TPO: variants seen among roughly 807,000 people sequenced by gnomAD.
TPO encodes thyroid microsomal antigen.
TPO carries 78 observed loss-of-function variants against 96.9 expected under a neutral mutation model. The observed-to-expected ratio is 0.81, with a 90% CI of 0.67 to 0.97. The LOEUF is 0.97. Ranked by LOEUF, TPO falls within the 50% of genes least tolerant of loss-of-function variation. The pLI is 0.00. For synonymous variants in TPO, 547 were observed against 538.0 expected (o/e 1.02, Z -0.23); for missense variants, 1,252 against 1,274.8 (o/e 0.98, Z 0.27).
intron 7 of TPO, among the ~76,000 whole-genome samples, chr2:1,466,968 T>C (rs573739505): frequency 6.6e-6 from 1 of 152,316 alleles, no homozygotes; most frequent in East Asian, 1.9e-4. Flanking sequence ...CCTTAAGGTG[T>C]AACCTTAGAT....
intron 5 of TPO, among the ~76,000 whole-genome samples, chr2:1,441,171 G>A (rs544556504): frequency 8.5e-5 from 13 of 152,048 alleles, no homozygotes; most frequent in Non-Finnish European, 5.9e-5. Flanking sequence ...GAGGCAGTAC[G>A]TTGGAAGGGA....
chr2:1,406,951 A>G (rs1356134491), intron 1 of TPO, among the ~76,000 whole-genome samples: 1 of 152,202 alleles, frequency 6.6e-6, no homozygotes, highest in Non-Finnish European at 1.5e-5. Flanking sequence ...TGTTTCATAA[A>G]TGTATTATGT....
intron 6 of TPO, among the ~76,000 whole-genome samples, chr2:1,454,916 A>T (rs2148587099): frequency 6.6e-6 from 1 of 152,388 alleles, no homozygotes; most frequent in African/African-American, 2.4e-5. Context: ...GGCTGAAAAC[A>T]ACATAAATGT....
At chr2:1,500,792 C>T (rs1288501500) in intron 13 of TPO, among the ~76,000 whole-genome samples, 1 of 152,110 alleles carries the variant, frequency 6.6e-6, no homozygotes, top group Admixed American at 6.6e-5. Context: ...TGGTGAAACC[C>T]CGTCTCTACT....
chr2:1,405,344 T>C (rs1290314765), intron 1 of TPO, among the ~76,000 whole-genome samples: 2 of 150,732 alleles, frequency 1.3e-5, no homozygotes, highest in Non-Finnish European at 3.0e-5. Flanking sequence ...CCATTCATCA[T>C]CCATCCACCC....
intron 3 of TPO, among the ~76,000 whole-genome samples, chr2:1,430,558 C>A (rs1385155493): frequency 1.3e-5 from 2 of 152,140 alleles, no homozygotes; most frequent in Non-Finnish European, 2.9e-5. Flanking sequence ...CCCTGCAGAC[C>A]CCAGAATTGT....
chr2:1,425,551 T>C lies in TPO; in HGVS notation c.179+2422T>C, dbSNP rs958800538. On this transcript the variant is annotated intron_variant, in intron 3 of 16. Transcript: ENST00000329066. ...TGCCGGGATACAGAGATGAGTTTGA[T>C]CATTTCATATCCTCAAAAGTCTGAG... Among the ~76,000 whole-genome samples the C allele has an allele frequency of 3.2e-4, 48 of 152,106 alleles. 1 individual carries two copies.
At chr2:1,426,153 C>T (rs1307663533) in intron 3 of TPO, among the ~76,000 whole-genome samples, 1 of 144,750 alleles carries the variant, frequency 6.9e-6, no homozygotes, top group Non-Finnish European at 1.5e-5. Context: ...TTCTAGATGC[C>T]AGGATACAGA....
chr2:1,529,933 C>T (rs1677673788), intron 15 of TPO, among the ~76,000 whole-genome samples: 1 of 36,854 alleles, frequency 2.7e-5, no homozygotes, highest in Non-Finnish European at 5.1e-5. Context: ...CCCCTTGCAG[C>T]CTCCCCATAT....
intron 1 of TPO, among the ~76,000 whole-genome samples, chr2:1,378,521 C>G (rs2148339146): frequency 6.6e-6 from 1 of 152,372 alleles, no homozygotes; most frequent in African/African-American, 2.4e-5. Context: ...GGCACAGGAT[C>G]ATTTGCCACC....
chr2:1,387,472 C>G (rs1661921571), intron 1 of TPO, among the ~76,000 whole-genome samples: 1 of 152,182 alleles, frequency 6.6e-6, no homozygotes, highest in Non-Finnish European at 1.5e-5. Context: ...GATCTTCAAT[C>G]ACTGATACCC....
Position 1,540,838 on chromosome 2 carries a change from C to G in TPO, c.2748+115C>G, listed in dbSNP as rs560352629. 1.1e-3 allele frequency: 1,756 copies of G among 1,580,422 alleles called. 2 individuals are homozygous for G. The highest frequency in any genetic ancestry group is 1.4e-3 in the Non-Finnish European group (1,643 of 1,164,000). On this transcript the variant is annotated intron_variant, in intron 16 of 16. Coordinates refer to ENST00000329066, the MANE Select transcript of TPO (RefSeq NM_001206744.2). ...CATATTTCTGTTTACTCCGTGTTTC[C>G]TAGTCCGTTCTGCACCTTCCTCCGG...
chr2:1,405,864 T>C (rs1662243079), intron 1 of TPO, among the ~76,000 whole-genome samples: 1 of 152,266 alleles, frequency 6.6e-6, no homozygotes, highest in Non-Finnish European at 1.5e-5. Context: ...TTTTACTTAA[T>C]AGAAGCAATA....
At chr2:1,491,114 G>A (rs1403303745) in intron 10 of TPO, among the ~76,000 whole-genome samples, 1 of 152,088 alleles carries the variant, frequency 6.6e-6, no homozygotes, top group Non-Finnish European at 1.5e-5. Context: ...AAGTTGCAGT[G>A]AGCTGAGATC....
At position 1,542,898 on chromosome 2, in the gene TPO, C is replaced by A. The variant is rs1572067119; in HGVS notation, c.*424C>A. 2 of 304,680 alleles carry A rather than the reference C, an allele frequency of 6.6e-6. No individual in the cohort carries two copies. Among genetic ancestry groups the A allele is most frequent in the East Asian group, 1.7e-4 (2 of 11,608 alleles). The allele number at this position is 304,680 out of a possible 1,614,324, so 18.9% of individuals were successfully genotyped here. A position where few individuals can be genotyped will look rare whatever the true frequency, so the allele number is the denominator to read the frequency against. On this transcript the variant is annotated 3_prime_UTR_variant, in exon 17 of 17. Coordinates refer to ENST00000329066, the MANE Select transcript of TPO (RefSeq NM_001206744.2). ...AGGTGTCCACAGGGCCTACATCTGG[C>A]TTCCCTCTTCTCCTGGGAAGAGCAC...
intron 14 of TPO, among the ~76,000 whole-genome samples, chr2:1,507,725 C>A (rs1673628334): frequency 2.0e-5 from 3 of 151,872 alleles, no homozygotes; most frequent in Admixed American, 6.6e-5. Context: ...GATTTTTGTA[C>A]ATTGATTTTG....
chr2:1,429,428 A>G (rs1664760754), intron 3 of TPO, among the ~76,000 whole-genome samples: 1 of 152,248 alleles, frequency 6.6e-6, no homozygotes, highest in African/African-American at 2.4e-5. Context: ...GGCCTAACAC[A>G]GAAAACTGGT....
At chr2:1,521,286 G>A (rs542053549) in intron 15 of TPO, among the ~76,000 whole-genome samples, 66 of 152,278 alleles carry the variant, frequency 4.3e-4, no homozygotes, top group Non-Finnish European at 7.2e-4. Flanking sequence ...ACCTTCCCAC[G>A]CTGTGAGCTG....
At chr2:1,477,677 A>C in intron 8 of TPO, 73 bp downstream of exon 8, 1 of 1,417,282 alleles carries the variant, frequency 7.1e-7, no homozygotes, top group Non-Finnish European at 9.2e-7. Flanking sequence ...GGTGCGCAGC[A>C]TCGTGGCTTC....
Sources: gnomAD v4.1 joint callset for allele counts (sites outside exome capture counted in the v4.1 genomes callset) on GRCh38, gnomAD v4.1.1 for gene constraint, MANE v1.5 for transcripts, NCBI Gene and HGNC (gene_info 2026-07-23, HGNC 2026-07-21) for gene names.